Variants in GRAMD1B observed in about 807,000 individuals in gnomAD.
The protein encoded by GRAMD1B is protein Aster-B.
In GRAMD1B, 37 loss-of-function variants were observed where a neutral mutation model predicts 99.7. The observed-to-expected ratio is 0.37, with a 90% confidence interval of 0.29 to 0.49. The LOEUF is 0.49. Ranked by LOEUF, GRAMD1B falls within the 20% of genes least tolerant of loss-of-function variation. The pLI, the probability that GRAMD1B is intolerant of heterozygous loss-of-function variation, is 0.98. For missense variants in GRAMD1B, 888 were observed against 1,009.2 expected (o/e 0.88, Z 1.63); for synonymous variants, 427 against 387.6 (o/e 1.10, Z -1.19).
chr11:123,578,576 C>G (rs1565403038), intron 3 of GRAMD1B: 1 of 662,740 alleles, frequency 1.5e-6, no homozygotes, highest in Middle Eastern at 2.5e-4. Context: ...CCCCACTGTC[C>G]CCCGGCAGGC....
intron 2 of GRAMD1B, among the ~76,000 whole-genome samples, chr11:123,570,144 G>A (rs536806752): frequency 5.1e-4 from 77 of 152,296 alleles, no homozygotes; most frequent in Middle Eastern, 3.4e-3. Flanking sequence ...TCTTGGGAGC[G>A]TAGTGGTTCT....
At chr11:123,538,244 C>T (rs1054003494) in intron 2 of GRAMD1B, among the ~76,000 whole-genome samples, 1 of 152,102 alleles carries the variant, frequency 6.6e-6, no homozygotes, top group Non-Finnish European at 1.5e-5. Flanking sequence ...TTCTTCCTCA[C>T]TCTCCATGTG....
upstream of GRAMD1B, among the ~76,000 whole-genome samples, chr11:123,425,658 A>G (rs1948622344): frequency 6.6e-6 from 1 of 152,188 alleles, no homozygotes; most frequent in South Asian, 2.1e-4. Flanking sequence ...CCAGGGCTCT[A>G]TTCTCGGAAA....
At chr11:123,446,953 G>A (rs769377471) in intron 1 of GRAMD1B, among the ~76,000 whole-genome samples, 2 of 151,998 alleles carry the variant, frequency 1.3e-5, no homozygotes, top group Non-Finnish European at 2.9e-5. Context: ...AAGAAAGGGA[G>A]AAAGAGAGAA....
intron 4 of GRAMD1B, among the ~76,000 whole-genome samples, chr11:123,586,320 A>AT (rs1738766307): frequency 6.6e-6 from 1 of 152,102 alleles, no homozygotes; most frequent in African/African-American, 2.4e-5. Flanking sequence ...TCATCCTCCT[A>AT]GATGTTCTCT....
chr11:123,532,987 A>G (rs1943556201), intron 2 of GRAMD1B, among the ~76,000 whole-genome samples: 1 of 152,218 alleles, frequency 6.6e-6, no homozygotes, highest in Non-Finnish European at 1.5e-5. Flanking sequence ...TTTACTGGAT[A>G]AAAACAAGTT....
upstream of GRAMD1B, among the ~76,000 whole-genome samples, chr11:123,429,972 A>G (rs1302000129): frequency 1.3e-5 from 2 of 152,098 alleles, no homozygotes; most frequent in Non-Finnish European, 2.9e-5. This position sits in a 1 kb window ranked among gnomAD's most constrained non-coding sequence, Gnocchi z 4.0. Context: ...GACTGAATTC[A>G]TTGACTCCCC....
At position 123,540,375 on chromosome 11, in the gene GRAMD1B, C is replaced by T. The variant is rs142417420; in HGVS notation, c.453-36992C>T. 3.5e-3 allele frequency among the ~76,000 whole-genome samples: 538 copies of T among 152,306 alleles called. 2 individuals carry two copies. Among genetic ancestry groups the T allele is most frequent in the African/African-American group, 0.012 (508 of 41,556 alleles). On this transcript the variant is annotated intron_variant, in intron 2 of 19. Transcript: ENST00000635736. ...GATTACAAGCATGAGCCACAGCACCCAGCTGAGTTATCCTAATTTCTCTTT... is the reference window on the plus strand; with the variant it reads ...GATTACAAGCATGAGCCACAGCACCTAGCTGAGTTATCCTAATTTCTCTTT...
intron 2 of GRAMD1B, among the ~76,000 whole-genome samples, chr11:123,556,994 G>GT (rs1266971973): frequency 6.6e-6 from 1 of 152,228 alleles, no homozygotes; most frequent in Non-Finnish European, 1.5e-5. Context: ...ATCGTTCAGA[G>GT]TAGGACTCGG....
chr11:123,400,607 C>T (rs1469132847), intron 1 of GRAMD1B, among the ~76,000 whole-genome samples: 1 of 152,092 alleles, frequency 6.6e-6, no homozygotes, highest in Non-Finnish European at 1.5e-5. Context: ...CTTGCTGTGT[C>T]CTCATGTGCA....
In GRAMD1B at chr11:123,534,500, G is replaced by A. The variant is rs144520492; in HGVS notation, c.453-42867G>A. ...GAGGTAGTAATGGGCAAAAGAAATTGAGAAGGGCTGAATGAAGGAGATGGG... is the reference window on the plus strand; with the variant it reads ...GAGGTAGTAATGGGCAAAAGAAATTAAGAAGGGCTGAATGAAGGAGATGGG... On this transcript the variant is annotated intron_variant, in intron 2 of 19. Transcript: ENST00000635736. 8.5e-5 allele frequency among the ~76,000 whole-genome samples: 13 copies of A among 152,310 alleles called. No individual in the cohort carries two copies. The East Asian group carries it at 2.5e-3, about 29-fold the overall frequency.
chr11:123,476,842 T>A (rs1228620266), intron 1 of GRAMD1B, among the ~76,000 whole-genome samples: 1 of 152,190 alleles, frequency 6.6e-6, no homozygotes, highest in African/African-American at 2.4e-5. Context: ...ACAAAAATCT[T>A]GTTGTTAAGA....
intron 1 of GRAMD1B, among the ~76,000 whole-genome samples, chr11:123,368,524 A>T (rs1013028799): frequency 1.3e-5 from 2 of 151,530 alleles, no homozygotes; most frequent in Non-Finnish European, 2.9e-5. Context: ...TACAAAAAAT[A>T]CAAACATTAG....
chr11:123,440,415 C>T lies in GRAMD1B; in HGVS notation c.374+9249C>T, dbSNP rs150471183. On this transcript the variant is annotated intron_variant, in intron 1 of 19. Transcript: ENST00000635736. ...ATCCCAGCTACTCGGGAGGCTGAGA[C>T]GGGAGAATCGTTTAAACCGGGAAAC... 6.9e-3 allele frequency among the ~76,000 whole-genome samples: 1,052 copies of T among 152,086 alleles called. 4 individuals carry two copies. Among genetic ancestry groups the T allele is most frequent in the Non-Finnish European group, 0.012 (843 of 68,010 alleles).
At chr11:123,436,801 G>A (rs1949180235) in intron 1 of GRAMD1B, among the ~76,000 whole-genome samples, 1 of 152,086 alleles carries the variant, frequency 6.6e-6, no homozygotes, top group African/African-American at 2.4e-5. Flanking sequence ...TGTGCACAAT[G>A]TGCAGGTTTG....
At position 123,534,906 on chromosome 11, in the gene GRAMD1B, A is replaced by C. The variant is rs141089109; in HGVS notation, c.453-42461A>C. ...AATGAGGGGGTCTCAGGCAAAGGAG[A>C]AGCAAGACTGGGCCACAGAAATCAG... On this transcript the variant is annotated intron_variant, in intron 2 of 19. Coordinates refer to ENST00000635736, the MANE Select transcript of GRAMD1B (RefSeq NM_001387025.1). Among the ~76,000 whole-genome samples the C allele has an allele frequency of 3.2e-3, 490 of 151,820 alleles. 2 individuals carry two copies. The highest frequency in any genetic ancestry group is 0.011 in the African/African-American group (476 of 41,410).
intron 1 of GRAMD1B, among the ~76,000 whole-genome samples, chr11:123,445,800 C>G (rs1451754225): frequency 9.2e-6 from 1 of 108,636 alleles, no homozygotes; most frequent in Non-Finnish European, 1.7e-5. Context: ...GCCTGGGGAA[C>G]AGAGTGACAC....
intron 1 of GRAMD1B, among the ~76,000 whole-genome samples, chr11:123,379,467 T>TTAATGACC (rs1224968867): frequency 6.6e-6 from 1 of 152,240 alleles, no homozygotes; most frequent in Non-Finnish European, 1.5e-5. Flanking sequence ...GTTCTTTCAC[T>TTAATGACC]TAATGTTTAC....
At chr11:123,396,106 C>G (rs1947450266) in intron 1 of GRAMD1B, among the ~76,000 whole-genome samples, 1 of 152,044 alleles carries the variant, frequency 6.6e-6, no homozygotes, top group South Asian at 2.1e-4. Flanking sequence ...CCTTGCTACT[C>G]CTTGGCTTCC....
Sources: gnomAD v4.1 joint callset for allele counts (sites outside exome capture counted in the v4.1 genomes callset) on GRCh38, gnomAD v4.1.1 for gene constraint, Gnocchi (gnomAD v3.1) non-coding constraint, MANE v1.5 for transcripts, NCBI Gene and HGNC (gene_info 2026-07-23, HGNC 2026-07-21) for gene names.